Variants in PTPRD observed in about 807,000 individuals in gnomAD.
PTPRD encodes the protein protein tyrosine phosphatase receptor type D.
Under a neutral mutation model 214.5 loss-of-function variants are expected in PTPRD, and 34 were observed. The ratio of observed to expected loss-of-function variants is 0.16; its 90% CI spans 0.12 to 0.21. The LOEUF (loss-of-function observed/expected upper bound fraction) is 0.21. PTPRD is among the 10% of genes least tolerant of loss of function. The pLI is 1.00. For synonymous variants in PTPRD, 1,128 were observed against 845.7 expected (o/e 1.33, Z -5.79); for missense variants, 2,545 against 2,398.7 (o/e 1.06, Z -1.27).
intron 5 of PTPRD, among the ~76,000 whole-genome samples, chr9:9,767,850 T>C (rs143076047): frequency 1.3e-5 from 2 of 152,130 alleles, no homozygotes; most frequent in South Asian, 4.1e-4. Context: ...AACTGGACCA[T>C]CCAGTAAACT....
At chr9:10,452,910 A>T (rs956637636) in intron 2 of PTPRD, among the ~76,000 whole-genome samples, 2 of 151,732 alleles carry the variant, frequency 1.3e-5, no homozygotes, top group Admixed American at 6.6e-5. Flanking sequence ...AGAGCATATC[A>T]ATGAGCATTT....
chr9:10,480,817 G>GA (rs938177782), intron 2 of PTPRD, among the ~76,000 whole-genome samples: 10 of 150,696 alleles, frequency 6.6e-5, no homozygotes, highest in South Asian at 4.2e-4. Flanking sequence ...ACAAAATTGA[G>GA]AAAAAAAAAC....
intron 11 of PTPRD, among the ~76,000 whole-genome samples, chr9:8,910,799 T>G (rs560469216): frequency 3.9e-5 from 6 of 152,236 alleles, no homozygotes; most frequent in Non-Finnish European, 7.3e-5. Context: ...ATTAATTTTA[T>G]TTCTATGCAT....
rs182729375 is a variant in PTPRD at position 8,999,711 on chromosome 9, A to G, written c.-104+18986T>C. On this transcript the variant is annotated intron_variant, in intron 11 of 45. Transcript: ENST00000381196. Reference sequence around the variant, plus strand: ...TGGGAATATTTCGATAGTCCTTTGTAACTGATATTGCTACTTTGTTTTTCC... The same window carrying G: ...TGGGAATATTTCGATAGTCCTTTGTGACTGATATTGCTACTTTGTTTTTCC... Among the ~76,000 whole-genome samples, 9 of 152,086 alleles carry G rather than the reference A, an allele frequency of 5.9e-5. No individual in the cohort carries two copies. In the East Asian group the frequency reaches 1.7e-3, roughly 30 times the overall value.
At chr9:9,199,247 G>GTATTA in intron 9 of PTPRD, among the ~76,000 whole-genome samples, 1 of 152,264 alleles carries the variant, frequency 6.6e-6, no homozygotes, top group African/African-American at 2.4e-5. Context: ...TACTATTCGT[G>GTATTA]TATTATTGCT....
In PTPRD at chr9:9,064,239, G is replaced by C. The variant is rs374762078; in HGVS notation, c.-142-45504C>G. On this transcript the variant is annotated intron_variant, in intron 10 of 45. Transcript: ENST00000381196. The stretch of plus-strand genomic sequence containing the variant: ...TGTTTGTTATTGCTATTTATTGTGT[G>C]TGTCTATTTTTAAAGATACTATGTT... Among the ~76,000 whole-genome samples the C allele has an allele frequency of 1.6e-4, 25 of 152,184 alleles. No individual in the cohort carries two copies. The East Asian group carries it at 3.7e-3, about 22-fold the overall frequency.
At chr9:9,619,831 T>C (rs2095133424) in intron 7 of PTPRD, among the ~76,000 whole-genome samples, 1 of 147,546 alleles carries the variant, frequency 6.8e-6, no homozygotes. Context: ...TTAATCTTTA[T>C]ATATGTTAGC....
intron 35 of PTPRD, among the ~76,000 whole-genome samples, chr9:8,419,217 C>G (rs1053935851): frequency 1.4e-5 from 2 of 146,288 alleles, no homozygotes; most frequent in African/African-American, 5.1e-5. Flanking sequence ...CAAAGCATGA[C>G]CCACTCTCCA....
At chr9:9,278,536 T>C (rs1029933212) in intron 9 of PTPRD, among the ~76,000 whole-genome samples, 1 of 151,288 alleles carries the variant, frequency 6.6e-6, no homozygotes, top group Non-Finnish European at 1.5e-5. Flanking sequence ...TATTTTAACG[T>C]CAGATGAGGG....
At chr9:8,703,392 T>C (rs1425565601) in intron 12 of PTPRD, among the ~76,000 whole-genome samples, 1 of 152,224 alleles carries the variant, frequency 6.6e-6, no homozygotes, top group Non-Finnish European at 1.5e-5. Flanking sequence ...TTAAAAATTA[T>C]TCCTCTTTAC....
intron 9 of PTPRD, among the ~76,000 whole-genome samples, chr9:9,329,961 GAA>G (rs2041691328): frequency 6.6e-6 from 1 of 152,166 alleles, no homozygotes; most frequent in African/African-American, 2.4e-5. Flanking sequence ...ATGGGTAAGA[GAA>G]GGTGGCTTTT....
intron 12 of PTPRD, among the ~76,000 whole-genome samples, chr9:8,658,661 A>G (rs1403470198): frequency 2.1e-5 from 3 of 145,476 alleles, no homozygotes; most frequent in African/African-American, 7.8e-5. Flanking sequence ...TCTAGATAAA[A>G]GCACATTTGG....
At chr9:9,664,361 C>T (rs909361819) in intron 7 of PTPRD, among the ~76,000 whole-genome samples, 1 of 151,578 alleles carries the variant, frequency 6.6e-6, no homozygotes, top group African/African-American at 2.4e-5. Flanking sequence ...ACTTCTAATA[C>T]TGCTTCAGCC....
intron 3 of PTPRD, among the ~76,000 whole-genome samples, chr9:10,325,611 G>A (rs2096629328): frequency 6.6e-6 from 1 of 151,756 alleles, no homozygotes. Context: ...TTTATTATAA[G>A]GAAATAAAAG....
chr9:10,245,474 C>G (rs977416987), intron 3 of PTPRD, among the ~76,000 whole-genome samples: 2 of 152,142 alleles, frequency 1.3e-5, no homozygotes, highest in African/African-American at 4.8e-5. Context: ...TCAATTAATA[C>G]TCACTGATGG....
chr9:9,852,197 GA>G (rs1306396882), intron 5 of PTPRD, among the ~76,000 whole-genome samples: 1 of 152,028 alleles, frequency 6.6e-6, no homozygotes, highest in African/African-American at 2.4e-5. Flanking sequence ...AATATGGAAT[GA>G]AAAGGATTTT....
At chr9:8,498,230 T>C (rs2097318220) in intron 25 of PTPRD, among the ~76,000 whole-genome samples, 1 of 152,192 alleles carries the variant, frequency 6.6e-6, no homozygotes, top group African/African-American at 2.4e-5. Context: ...GGGTAAGTAC[T>C]TTCCTTAGAG....
intron 7 of PTPRD, among the ~76,000 whole-genome samples, chr9:9,581,962 T>C (rs531561349): frequency 6.6e-6 from 1 of 152,262 alleles, no homozygotes; most frequent in South Asian, 2.1e-4. Context: ...GATATTCTGG[T>C]TACTAATGTT....
chr9:8,691,045 G>C (rs991367990), intron 12 of PTPRD, among the ~76,000 whole-genome samples: 2 of 152,078 alleles, frequency 1.3e-5, no homozygotes, highest in African/African-American at 2.4e-5. Context: ...TCTCTCCTAA[G>C]AGTTCAGAAT....
Sources: allele counts gnomAD v4.1 joint callset (sites outside exome capture counted in the v4.1 genomes callset), GRCh38; gene constraint gnomAD v4.1.1; transcripts MANE v1.5; gene names NCBI Gene and HGNC (gene_info 2026-07-23, HGNC 2026-07-21).